The following TJP3 variants were observed in gnomAD, a reference collection of about 807,000 sequenced individuals.
TJP3 encodes the protein tight junction protein ZO-3.
Under a neutral mutation model 104.2 loss-of-function variants are expected in TJP3, and 85 were observed. The observed-to-expected ratio is 0.82, with a 90% CI of 0.68 to 0.98. TJP3 has a LOEUF of 0.98. TJP3 is among the 50% of genes least tolerant of loss of function. The pLI is 0.00. For synonymous variants in TJP3, 550 were observed against 550.6 expected, an observed-to-expected ratio of 1.00 and a Z score of 0.02; for missense variants, 1,367 against 1,322.8, an observed-to-expected ratio of 1.03 and a Z score of -0.52.
chr19:3,741,535 G>A (rs906421639), intron 14 of TJP3, among the ~76,000 whole-genome samples: 1 of 149,070 alleles, frequency 6.7e-6, no homozygotes, highest in African/African-American at 2.5e-5. Context: ...GCTGAGGCAG[G>A]AGAATCACTT....
At chr19:3,740,892 AC>A in intron 14 of TJP3, 129 bp downstream of exon 14, 5 of 855,800 alleles carry the variant, frequency 5.8e-6, no homozygotes, top group South Asian at 4.0e-5. Context: ...TATAATCCCA[AC>A]ACTTTGGGAG....
chr19:3,739,030 C>T lies in TJP3; in HGVS notation c.1527C>T (p.His509=), dbSNP rs772981212. Reference sequence around the variant, plus strand: ...TCTTCCACGTGCTGGACACGCTGCACCCCGGCCCCGGGCAGAGCCACGCAC... The same window carrying T: ...TCTTCCACGTGCTGGACACGCTGCATCCCGGCCCCGGGCAGAGCCACGCAC... ...GDVFHVLDTL[H]PGPGQSHARG... The change falls in exon 13 of 21, where the codon CAC becomes CAT. Residue 509 remains histidine, a synonymous_variant. Coordinates refer to ENST00000541714, the MANE Select transcript of TJP3 (RefSeq NM_001267560.2). 2 of 1,612,100 alleles carry T rather than the reference C, an allele frequency of 1.2e-6. No individual in the cohort carries two copies. Among genetic ancestry groups the T allele is most frequent in the East Asian group, 2.2e-5 (1 of 44,854 alleles).
At position 3,738,889 on chromosome 19, in the gene TJP3, CT is replaced by C; in HGVS notation, c.1394-7del. On this transcript the variant is annotated splice_polypyrimidine_tract_variant and splice_region_variant and intron_variant, in intron 12 of 20. Coordinates refer to ENST00000541714, the MANE Select transcript of TJP3 (RefSeq NM_001267560.2). ...CAGGCAGCTCATGTGGCCTCCCGCT[CT>C]CCCCAGTTTTCTGGAAAATGGTGCA... 1 of 1,575,032 alleles carries C rather than the reference CT, an allele frequency of 6.3e-7. No homozygotes were observed.
At position 3,728,611 on chromosome 19, in the gene TJP3, G is replaced by A. The variant is rs2067019; in HGVS notation, c.56G>A (p.Arg19His). The change falls in exon 3 of 21, where the codon CGC (arginine) becomes CAC (histidine). Residue 19 changes from arginine to histidine, a missense_variant. By Grantham distance (29) the Arg-to-His change is conservative. Transcript: ENST00000541714. The part of the protein sequence containing the change: ...QHTATLSKDP[R>H]RGFGIAISGG... Reference sequence around the variant, plus strand: ...CCCCTCATCCTCTCTCAGGACCCCCGCCGGGGCTTTGGCATTGCGATCTCT... The same window carrying A: ...CCCCTCATCCTCTCTCAGGACCCCCACCGGGGCTTTGGCATTGCGATCTCT... 346,025 of 1,611,790 alleles carry A rather than the reference G, an allele frequency of 0.21. 40,220 individuals are homozygous for A. Among genetic ancestry groups the A allele is most frequent in the South Asian group, 0.37 (33,530 of 90,422 alleles).
chr19:3,746,406 C>G lies in TJP3; in HGVS notation c.2011-79C>G. The G allele has an allele frequency of 4.8e-5, 70 of 1,467,822 alleles. No individual in the cohort carries two copies. Among genetic ancestry groups the G allele is most frequent in the Non-Finnish European group, 6.2e-5 (66 of 1,063,588 alleles). 90.9% of individuals were successfully genotyped at this position (1,467,822 alleles called of 1,614,324 possible). On this transcript the variant is annotated intron_variant, in intron 16 of 20. Coordinates refer to ENST00000541714, the MANE Select transcript of TJP3 (RefSeq NM_001267560.2). The surrounding 1 kb of genome is among the most constrained non-coding windows in gnomAD (Gnocchi z 4.1). The stretch of plus-strand genomic sequence containing the variant: ...GGCTGGGGTCCACTCTGACCTCAGA[C>G]TCTTCATCTTTCTATCTTTCTCTCT...
chr19:3,721,152 G>A (rs918085388), intron 1 of TJP3, among the ~76,000 whole-genome samples: 3 of 151,930 alleles, frequency 2.0e-5, no homozygotes, highest in African/African-American at 7.3e-5. Context: ...CGCTCGCCTC[G>A]GCCTCCCAAA....
rs1455982746 is a variant in TJP3, at chr19:3,746,150, AT to A, written c.2010+70del. The stretch of plus-strand genomic sequence containing the variant: ...AACCGAGGCCTGGGCATCCAACTGA[AT>A]GTCCTGACCTGTTCTCAGCCCACAC... On this transcript the variant is annotated intron_variant, in intron 16 of 20. Transcript: ENST00000541714. The surrounding 1 kb of genome is among the most constrained non-coding windows in gnomAD (Gnocchi z 4.1). 6.9e-7 allele frequency: 1 copy of A among 1,448,988 alleles called. No individual in the cohort carries two copies. The highest frequency in any genetic ancestry group is 1.4e-5 in the African/African-American group (1 of 71,230). 89.8% of individuals were successfully genotyped at this position (1,448,988 alleles called of 1,614,324 possible). A position where few individuals can be genotyped will look rare whatever the true frequency, so the allele number is the denominator to read the frequency against.
chr19:3,728,268 CA>C, intron 1 of TJP3, 155 bp from the exon 2 acceptor site: 2 of 1,223,576 alleles, frequency 1.6e-6, no homozygotes, highest in Non-Finnish European at 2.2e-6. Context: ...AAAAAACAAA[CA>C]AAAAAACCTG....
intron 1 of TJP3, among the ~76,000 whole-genome samples, chr19:3,722,948 T>C: frequency 8.5e-6 from 1 of 117,320 alleles, no homozygotes; most frequent in African/African-American, 3.3e-5. Context: ...TGGGCGGGCC[T>C]CTTGTTCGGT....
At chr19:3,716,931 TG>T (rs1174616340) in intron 1 of TJP3, among the ~76,000 whole-genome samples, 2 of 141,684 alleles carry the variant, frequency 1.4e-5, no homozygotes, top group Non-Finnish European at 3.1e-5. Flanking sequence ...CCCGAGTACC[TG>T]GGATTACAGG....
At chr19:3,719,712 G>A (rs564888493) in intron 1 of TJP3, among the ~76,000 whole-genome samples, 5 of 134,390 alleles carry the variant, frequency 3.7e-5, no homozygotes, top group Admixed American at 8.3e-5. Context: ...CCAGCTGGGC[G>A]ACAGAGCGAG....
chr19:3,733,729 T>G, intron 6 of TJP3, 24 bp from the exon 7 acceptor site: 2 of 1,612,378 alleles, frequency 1.2e-6, no homozygotes, highest in South Asian at 1.1e-5. Flanking sequence ...TCACTTCCGC[T>G]CTTTCATTCC....
chr19:3,718,455 GT>G lies in TJP3; in HGVS notation c.-10+9906del, dbSNP rs1227926088. Among the ~76,000 whole-genome samples the G allele has an allele frequency of 8.8e-3, 922 of 104,864 alleles. 2 individuals are homozygous for G. Among genetic ancestry groups the G allele is most frequent in the Non-Finnish European group, 0.012 (601 of 51,410 alleles). The allele number at this position is 104,864 out of a possible 152,430, so 68.8% of individuals were successfully genotyped here. A position where few individuals can be genotyped will look rare whatever the true frequency, so the allele number is the denominator to read the frequency against. On this transcript the variant is annotated intron_variant, in intron 1 of 20. Coordinates refer to ENST00000541714, the MANE Select transcript of TJP3 (RefSeq NM_001267560.2). ...GAATGCAGCATTTTCTTTTCTTGCGGTTTTTTTTTTTTGGGGTGGTGGGGGG... is the reference window on the plus strand; with the variant it reads ...GAATGCAGCATTTTCTTTTCTTGCGGTTTTTTTTTTTGGGGTGGTGGGGGG...
intron 1 of TJP3, among the ~76,000 whole-genome samples, chr19:3,711,838 CCTTT>C (rs1252537849): frequency 2.0e-5 from 3 of 151,450 alleles, no homozygotes; most frequent in Non-Finnish European, 4.4e-5. Context: ...TAATTTGTTT[CCTTT>C]CTTTCTTTTT....
At position 3,746,785 on chromosome 19, in the gene TJP3, C is replaced by G. The variant is rs767292067; in HGVS notation, c.2231C>G (p.Pro744Arg). The G allele has an allele frequency of 2.5e-6, 4 of 1,609,552 alleles. No homozygotes were observed. Among genetic ancestry groups the G allele is most frequent in the Admixed American group, 1.7e-5 (1 of 59,404 alleles). The change falls in exon 18 of 21, where the codon CCT becomes CGT. Residue 744 changes from proline (P) to arginine (R), a missense_variant. By Grantham distance (103) the Pro-to-Arg change is moderately radical. Transcript: ENST00000541714. The surrounding 1 kb of genome is among the most constrained non-coding windows in gnomAD (Gnocchi z 4.1). ...CGTCCCCTCCCTGCAGCCACCATCC[C>G]TCTGAATGGCACGAGTGACACCTGG... ...HSSHLFTATI[P>R]LNGTSDTWYQ...
At position 3,746,215 on chromosome 19, in the gene TJP3, C is replaced by G; in HGVS notation, c.2010+134C>G. The G allele has an allele frequency of 1.1e-6, 1 of 951,408 alleles. No homozygotes were observed. Among genetic ancestry groups the G allele is most frequent in the Non-Finnish European group, 1.6e-6 (1 of 632,324 alleles). 58.9% of individuals were successfully genotyped at this position (951,408 alleles called of 1,614,324 possible). ...TCTTCCATAGAGCCCCTTTTGGAGG[C>G]TTTGTGAGGCAGGAGGCCCGAGACA... On this transcript the variant is annotated intron_variant, in intron 16 of 20. Coordinates refer to ENST00000541714, the MANE Select transcript of TJP3 (RefSeq NM_001267560.2). The surrounding 1 kb of genome is among the most constrained non-coding windows in gnomAD (Gnocchi z 4.1).
chr19:3,730,182 G>A lies in TJP3; in HGVS notation c.261+52G>A, dbSNP rs373812301. 1,144 of 1,574,718 alleles carry A rather than the reference G, an allele frequency of 7.3e-4. 1 individual carries two copies. Among genetic ancestry groups the A allele is most frequent in the Non-Finnish European group, 9.1e-4 (1,042 of 1,144,842 alleles). ...AGCATCTCTGACCCCAGCCTGGGTC[G>A]TGCCGCTGTGGGGGTTGTAAGCTTC... On this transcript the variant is annotated intron_variant, in intron 4 of 20. Coordinates refer to ENST00000541714, the MANE Select transcript of TJP3 (RefSeq NM_001267560.2). The surrounding 1 kb of genome is among the most constrained non-coding windows in gnomAD (Gnocchi z 7.3).
In TJP3 at chr19:3,734,406, C is replaced by A; in HGVS notation, c.957C>A (p.Ser319Arg). 6.2e-7 allele frequency: 1 copy of A among 1,611,816 alleles called. No homozygotes were observed. Among genetic ancestry groups the A allele is most frequent in the Non-Finnish European group, 8.5e-7 (1 of 1,179,526 alleles). ...IPPPPRHAQR[S>R]PEASQTDSPV... ...CACCACCCCGGCATGCTCAGCGGAGCCCCGAGGCCAGCCAGACCGACTCTC... is the reference window on the plus strand; with the variant it reads ...CACCACCCCGGCATGCTCAGCGGAGACCCGAGGCCAGCCAGACCGACTCTC... The change falls in exon 8 of 21, where the codon AGC (serine) becomes AGA (arginine). Residue 319 changes from serine to arginine, a missense_variant. By Grantham distance (110) the Ser-to-Arg change is moderately radical. Coordinates refer to ENST00000541714, the MANE Select transcript of TJP3 (RefSeq NM_001267560.2).
chr19:3,733,846 G>T lies in TJP3; in HGVS notation c.811G>T (p.Asp271Tyr), dbSNP rs1192002083. The change falls in exon 7 of 21, where the codon GAT becomes TAT. Residue 271 changes from aspartate (D) to tyrosine (Y), a missense_variant. Asp to Tyr is a radical substitution (Grantham distance 160). Transcript: ENST00000541714. ...GAAGCTAAGCCTGCTGGTGCTGAGAGATCGTGGGCAGTTCCTGGTGAACAT... is the reference window on the plus strand; with the variant it reads ...GAAGCTAAGCCTGCTGGTGCTGAGATATCGTGGGCAGTTCCTGGTGAACAT... ...EGKLSLLVLRDRGQFLVNIPP... is the reference protein window; with the variant it reads ...EGKLSLLVLRYRGQFLVNIPP... 2 of 1,614,238 alleles carry T rather than the reference G, an allele frequency of 1.2e-6. No individual in the cohort carries two copies. Among genetic ancestry groups the T allele is most frequent in the Admixed American group, 1.7e-5 (1 of 60,024 alleles).
Sources: gnomAD v4.1 joint callset for allele counts (sites outside exome capture counted in the v4.1 genomes callset) on GRCh38, gnomAD v4.1.1 for gene constraint, Gnocchi (gnomAD v3.1) non-coding constraint, MANE v1.5 for transcripts, NCBI Gene and HGNC (gene_info 2026-07-23, HGNC 2026-07-21) for gene names.